The following ASH1L variants were observed in gnomAD, a reference collection of about 807,000 sequenced individuals.
ASH1L encodes ASH1 like histone lysine methyltransferase.
ASH1L carries 23 observed loss-of-function variants against 269.0 expected under a neutral mutation model. That is an observed-to-expected ratio of 0.09 (90% CI 0.06 to 0.12). ASH1L has a LOEUF of 0.12. Among genes scored for constraint, ASH1L ranks in the 10% least tolerant of loss-of-function variants. The pLI is 1.00. For synonymous variants in ASH1L, 1,187 were observed against 1,253.5 expected (o/e 0.95, Z 1.12); for missense variants, 2,912 against 3,567.8 (o/e 0.82, Z 4.68).
chr1:155,338,966 T>C (rs915191960), intron 26 of ASH1L, among the ~76,000 whole-genome samples: 6 of 152,226 alleles, frequency 3.9e-5, no homozygotes, highest in African/African-American at 1.4e-4. Context: ...CCATAGTTCA[T>C]AGCTCAGTGA....
intron 13 of ASH1L, 136 bp from the exon 14 acceptor site, chr1:155,357,885 C>G: frequency 1.3e-6 from 1 of 781,190 alleles, no homozygotes; most frequent in Non-Finnish European, 1.9e-6. Flanking sequence ...ATCCTCCTAT[C>G]TCAGCCTCCC....
At chr1:155,456,192 T>C (rs534452433) in intron 4 of ASH1L, among the ~76,000 whole-genome samples, 7 of 152,316 alleles carry the variant, frequency 4.6e-5, no homozygotes, top group African/African-American at 1.4e-4. Context: ...GTAAGAAATG[T>C]TGTCCATGTA....
Position 155,481,540 on chromosome 1 carries a change from T to C in ASH1L, c.1330A>G (p.Ile444Val), listed in dbSNP as rs1463842305. Reference protein sequence around the residue: ...EPLKASCSTNINNQESQELSE... With the variant: ...EPLKASCSTNVNNQESQELSE... ...AGTTCCTGACTTTCCTGATTATTGATGTTTGTACTACAAGAAGCCTTAAGC... is the reference window on the plus strand; with the variant it reads ...AGTTCCTGACTTTCCTGATTATTGACGTTTGTACTACAAGAAGCCTTAAGC... Residue 444 changes from isoleucine to valine, a missense_variant, in exon 3 of 28, where the codon ATC becomes GTC. Physicochemically the swap from Ile to Val is conservative, Grantham distance 29. This residue lies in a region of ASH1L where 715 missense variants were observed against 721.0 expected (regional missense o/e 0.99). Coordinates refer to ENST00000392403, the MANE Select transcript of ASH1L (RefSeq NM_018489.3). 2.0e-5 allele frequency: 32 copies of C among 1,614,074 alleles called. No individual in the cohort carries two copies. Among genetic ancestry groups the C allele is most frequent in the Non-Finnish European group, 2.7e-5 (32 of 1,180,020 alleles).
intron 5 of ASH1L, among the ~76,000 whole-genome samples, chr1:155,423,610 T>C (rs867323906): frequency 3.3e-5 from 5 of 152,062 alleles, no homozygotes; most frequent in African/African-American, 7.2e-5. Flanking sequence ...AACCCCTGCA[T>C]TTTCAATATG....
intron 21 of ASH1L, 182 bp from the exon 22 acceptor site, chr1:155,344,455 A>C: frequency 1.9e-6 from 1 of 530,110 alleles, no homozygotes; most frequent in South Asian, 2.5e-5. Context: ...AGAGGACAAA[A>C]CTGATAGGCT....
Position 155,338,034 on chromosome 1 carries a change from TCCC to T in ASH1L, c.8803+52_8803+54del. On this transcript the variant is annotated intron_variant, in intron 27 of 27. Coordinates refer to ENST00000392403, the MANE Select transcript of ASH1L (RefSeq NM_018489.3). ...ACCAGTAATTACAATTTTTTTCCAT[TCCC>T]TCTCATTTCGCATTTATCTTAAACC... 4 of 1,539,362 alleles carry T rather than the reference TCCC, an allele frequency of 2.6e-6. No individual in the cohort carries two copies. In the Admixed American group the frequency reaches 5.9e-5, roughly 23 times the overall value.
At chr1:155,488,549 G>A (rs1666498001) in intron 2 of ASH1L, among the ~76,000 whole-genome samples, 1 of 148,174 alleles carries the variant, frequency 6.7e-6, no homozygotes, top group Non-Finnish European at 1.5e-5. Flanking sequence ...CATGCCTGTG[G>A]TCCCAGCTAC....
chr1:155,442,545 T>G (rs569090955), intron 4 of ASH1L, among the ~76,000 whole-genome samples: 7,748 of 137,614 alleles, frequency 0.056, 685 homozygotes, highest in African/African-American at 0.2. Flanking sequence ...ATCACGCCAC[T>G]GCCCTCCAGC....
At position 155,521,462 on chromosome 1, in the gene ASH1L, T is replaced by C; in HGVS notation, c.58A>G (p.Arg20Gly). ...GLGSDSEGFS[R>G]KSPSAISTGT... is the part of the protein sequence containing the mutation. ...GTACTGATGGCAGAAGGACTCTTTC[T>C]TGAAAAACCTTCGGAATCAGAACCC... Residue 20 changes from arginine to glycine, a missense_variant, in exon 2 of 28, where the codon AGA (arginine) becomes GGA (glycine). By Grantham distance (125) the Arg-to-Gly change is moderately radical. Transcript: ENST00000392403. The C allele has an allele frequency of 6.2e-7, 1 of 1,614,044 alleles. No individual in the cohort carries two copies. The highest frequency in any genetic ancestry group is 8.5e-7 in the Non-Finnish European group (1 of 1,179,994).
chr1:155,476,774 C>G (rs1053631205), intron 3 of ASH1L, among the ~76,000 whole-genome samples: 1 of 151,812 alleles, frequency 6.6e-6, no homozygotes, highest in South Asian at 2.1e-4. Context: ...AGGATGGTCT[C>G]GATCTCTTGA....
chr1:155,438,457 C>A lies in ASH1L; in HGVS notation c.5698G>T (p.Val1900Phe), dbSNP rs1558105386. The change falls in exon 5 of 28, where the codon GTT becomes TTT. Residue 1900 changes from valine (V) to phenylalanine (F), a missense_variant. Val to Phe is a conservative substitution (Grantham distance 50). Around this residue, in one of 13 missense-constraint regions of ASH1L, gnomAD observed 789 missense variants for 897.6 expected, o/e 0.88. Coordinates refer to ENST00000392403, the MANE Select transcript of ASH1L (RefSeq NM_018489.3). ...PDTVTDVIEA[V>F]VQSVNLNPEH... ...GGGTTCAGATTTACACTCTGAACAA[C>A]AGCCTCAATTACATCTGTAACTGTG... 6.2e-7 allele frequency: 1 copy of A among 1,613,914 alleles called. No individual in the cohort carries two copies. Among genetic ancestry groups the A allele is most frequent in the Non-Finnish European group, 8.5e-7 (1 of 1,179,996 alleles).
intron 6 of ASH1L, among the ~76,000 whole-genome samples, chr1:155,400,553 T>A (rs1658743951): frequency 6.6e-6 from 1 of 152,166 alleles, no homozygotes; most frequent in African/African-American, 2.4e-5. Flanking sequence ...GTTGCCCAAA[T>A]CAATAACTTG....
chr1:155,395,105 T>C (rs982178014), intron 7 of ASH1L, among the ~76,000 whole-genome samples: 1 of 152,048 alleles, frequency 6.6e-6, no homozygotes, highest in Non-Finnish European at 1.5e-5. Flanking sequence ...TCCAGCTAAT[T>C]TTCATATTTT....
intron 12 of ASH1L, among the ~76,000 whole-genome samples, chr1:155,360,751 T>A (rs1412506036): frequency 6.6e-6 from 1 of 152,152 alleles, no homozygotes; most frequent in Non-Finnish European, 1.5e-5. Flanking sequence ...CCTCCACTTT[T>A]AATCTCTTTT....
chr1:155,529,473 G>C (rs1274545220), intron 1 of ASH1L, among the ~76,000 whole-genome samples: 1 of 151,772 alleles, frequency 6.6e-6, no homozygotes, highest in Non-Finnish European at 1.5e-5. Flanking sequence ...ATGATTGTTG[G>C]CTGCATGTAT....
chr1:155,451,348 T>C (rs554068601), intron 4 of ASH1L, among the ~76,000 whole-genome samples: 1 of 152,220 alleles, frequency 6.6e-6, no homozygotes, highest in African/African-American at 2.4e-5. Context: ...CAGGGGAATA[T>C]GAAGTTCTTA....
intron 2 of ASH1L, among the ~76,000 whole-genome samples, chr1:155,487,935 A>G (rs1031471675): frequency 4.0e-5 from 6 of 150,346 alleles, no homozygotes; most frequent in African/African-American, 1.5e-4. Flanking sequence ...TTGCCCAAGC[A>G]GGAGCGCAGT....
Position 155,438,705 on chromosome 1 carries a change from A to G in ASH1L, c.5450T>C (p.Leu1817Ser). ...ARKMCNYDKI[L>S]ATKKNLDHVN... ...ATGGTCTAGGTTTTTCTTTGTGGCC[A>G]AGATTTTGTCGTAATTGCACATTTT... is the stretch of plus-strand genomic sequence containing the variant. Residue 1817 changes from leucine to serine, a missense_variant, in exon 5 of 28, where the codon TTG becomes TCG. Leu to Ser is a moderately radical substitution (Grantham distance 145). Coordinates refer to ENST00000392403, the MANE Select transcript of ASH1L (RefSeq NM_018489.3). 1 of 1,614,010 alleles carries G rather than the reference A, an allele frequency of 6.2e-7. No homozygotes were observed. Among genetic ancestry groups the G allele is most frequent in the Non-Finnish European group, 8.5e-7 (1 of 1,180,010 alleles).
In ASH1L at chr1:155,349,423, T is replaced by C; in HGVS notation, c.7458A>G (p.Leu2486=). The change falls in exon 19 of 28, where the codon CTA becomes CTG. Residue 2486 remains leucine (L), a synonymous_variant. Transcript: ENST00000392403. ...TCTGCTTCTCTATGGTGATAAGATC[T>C]AGGGGATCAGAGATCTTCTCATAAT... ...ADYYEKISDP[L]DLITIEKQIL... 1.9e-6 allele frequency: 3 copies of C among 1,614,190 alleles called. No homozygotes were observed. Among genetic ancestry groups the C allele is most frequent in the South Asian group, 2.2e-5 (2 of 91,084 alleles).
Sources: allele counts gnomAD v4.1 joint callset (sites outside exome capture counted in the v4.1 genomes callset), GRCh38; gene constraint gnomAD v4.1.1; regional missense constraint gnomAD v4.1.1; transcripts MANE v1.5; gene names NCBI Gene and HGNC (gene_info 2026-07-23, HGNC 2026-07-21).